RTF2: variants seen among roughly 807,000 people sequenced by gnomAD.
RTF2 encodes the protein replication termination factor 2, also known as UPF0549 protein C20orf43.
RTF2 carries 18 observed loss-of-function variants against 38.0 expected under a neutral mutation model. That is an observed-to-expected ratio of 0.47 (90% confidence interval 0.33 to 0.70). The LOEUF (loss-of-function observed/expected upper bound fraction) is 0.70, where lower values mean the gene tolerates loss of function less well. Ranked by LOEUF, RTF2 falls within the 30% of genes least tolerant of loss-of-function variation. RTF2 has a pLI of 0.02. For missense variants in RTF2, 311 were observed against 379.6 expected, an observed-to-expected ratio of 0.82 and a Z score of 1.50; for synonymous variants, 126 against 137.1, an observed-to-expected ratio of 0.92 and a Z score of 0.57.
intron 5 of RTF2, among the ~76,000 whole-genome samples, chr20:56,493,201 C>T (rs1342084603): frequency 6.6e-6 from 1 of 152,028 alleles, no homozygotes; most frequent in East Asian, 1.9e-4. Context: ...TAAGGAAATA[C>T]TGTTTTTAAA....
In RTF2 at chr20:56,468,642, A is replaced by T; in HGVS notation, c.-56A>T. On this transcript the variant is annotated 5_prime_UTR_variant, in exon 1 of 9. Transcript: ENST00000357348. ...GGAAGTGGCTGCGGATTTCGCCGGA[A>T]ATCCCGGAAGTGACAGCTTTGGGGG... 1 of 1,501,066 alleles carries T rather than the reference A, an allele frequency of 6.7e-7. No homozygotes were observed. Among genetic ancestry groups the T allele is most frequent in the Non-Finnish European group, 9.1e-7 (1 of 1,102,312 alleles). 93.0% of individuals were successfully genotyped at this position (1,501,066 alleles called of 1,614,324 possible). A position where few individuals can be genotyped will look rare whatever the true frequency, so the allele number is the denominator to read the frequency against.
rs1568692421 is a variant in RTF2 at position 56,477,075 on chromosome 20, G to A, written c.349G>A (p.Ala117Thr). The A allele has an allele frequency of 6.2e-7, 1 of 1,614,020 alleles. No homozygotes were observed. Among genetic ancestry groups the A allele is most frequent in the East Asian group, 2.2e-5 (1 of 44,860 alleles). Residue 117 changes from alanine to threonine, a missense_variant, in exon 4 of 9, where the codon GCG becomes ACG. By Grantham distance (58) the Ala-to-Thr change is moderately conservative (BLOSUM62 0). Coordinates refer to ENST00000357348, the MANE Select transcript of RTF2 (RefSeq NM_016407.5). ...TGACAAGCACGATGACCTCCAGCGGGCGCGTTTCATCTGCCCCGTTGTGGG... is the reference window on the plus strand; with the variant it reads ...TGACAAGCACGATGACCTCCAGCGGACGCGTTTCATCTGCCCCGTTGTGGG... Reference protein sequence around the residue: ...KGDKHDDLQRARFICPVVGLE... With the variant: ...KGDKHDDLQRTRFICPVVGLE...
At chr20:56,478,755 G>A (rs1381763621) in intron 4 of RTF2, among the ~76,000 whole-genome samples, 1 of 152,086 alleles carries the variant, frequency 6.6e-6, no homozygotes, top group Non-Finnish European at 1.5e-5. Flanking sequence ...AATAGAATTT[G>A]CTGCATTGAT....
chr20:56,490,552 C>T (rs953622599), intron 5 of RTF2, among the ~76,000 whole-genome samples: 1 of 152,212 alleles, frequency 6.6e-6, no homozygotes, highest in Non-Finnish European at 1.5e-5. Flanking sequence ...CGGTGGCTCA[C>T]GCCTGTGATC....
chr20:56,474,537 G>T (rs1347220148), intron 2 of RTF2, 141 bp from the exon 3 acceptor site: 3 of 537,756 alleles, frequency 5.6e-6, no homozygotes, highest in South Asian at 2.7e-5. Context: ...GTTGAAACAG[G>T]GTTAAATTTA....
At chr20:56,471,592 C>G (rs1981972954) in intron 1 of RTF2, 1 of 151,802 alleles carries the variant, frequency 6.6e-6, no homozygotes, top group Non-Finnish European at 1.5e-5. Context: ...CAAAACAAAA[C>G]CACTTGTACT....
In RTF2 at chr20:56,468,660, T is replaced by G. The variant is rs201055507; in HGVS notation, c.-38T>G. 13 of 1,545,166 alleles carry G rather than the reference T, an allele frequency of 8.4e-6. No homozygotes were observed. In the African/African-American group the frequency reaches 1.8e-4, roughly 21 times the overall value. The stretch of plus-strand genomic sequence containing the variant: ...CGCCGGAAATCCCGGAAGTGACAGC[T>G]TTGGGGGTTTGCTGCTGGCTCTGAC... On this transcript the variant is annotated 5_prime_UTR_variant, in exon 1 of 9. Transcript: ENST00000357348.
intron 6 of RTF2, chr20:56,515,967 A>G (rs1210102244): frequency 6.6e-6 from 1 of 152,220 alleles, no homozygotes; most frequent in Non-Finnish European, 1.5e-5. Context: ...GTGCTTTTCA[A>G]ATAACCTCAG....
At chr20:56,509,428 A>G (rs1292370449) in intron 5 of RTF2, among the ~76,000 whole-genome samples, 1 of 152,076 alleles carries the variant, frequency 6.6e-6, no homozygotes, top group Admixed American at 6.6e-5. Context: ...CCTGGCCAAC[A>G]TGGTTGAAAT....
chr20:56,486,755 G>C (rs546181161), intron 5 of RTF2, among the ~76,000 whole-genome samples: 27 of 152,338 alleles, frequency 1.8e-4, no homozygotes, highest in African/African-American at 6.3e-4. Flanking sequence ...ACAGTTGGCA[G>C]GGGAATGGCT....
chr20:56,473,379 G>C lies in RTF2; in HGVS notation c.148G>C (p.Ala50Pro). The change falls in exon 2 of 9, where the codon GCC becomes CCC. Residue 50 changes from alanine (A) to proline (P), a missense_variant. Coordinates refer to ENST00000357348, the MANE Select transcript of RTF2 (RefSeq NM_016407.5). ...GGAAATATTAAGACGACCAATAGTT[G>C]CCTGTGAACTTGGCAGGTATGGTTT... ...SQEILRRPIV[A>P]CELGRLYNKD... 6.2e-7 allele frequency: 1 copy of C among 1,612,232 alleles called. No homozygotes were observed. Among genetic ancestry groups the C allele is most frequent in the Non-Finnish European group, 8.5e-7 (1 of 1,178,396 alleles).
intron 5 of RTF2, among the ~76,000 whole-genome samples, chr20:56,485,646 T>C (rs1469588853): frequency 2.0e-5 from 3 of 152,188 alleles, no homozygotes; most frequent in Admixed American, 6.5e-5. Flanking sequence ...GAATAAAGCC[T>C]TCATAGAATG....
chr20:56,513,669 C>G (rs1355498219), intron 6 of RTF2: 3 of 405,886 alleles, frequency 7.4e-6, no homozygotes, highest in Non-Finnish European at 1.4e-5. Flanking sequence ...GGGGTAGTGA[C>G]AGCATGCGAG....
chr20:56,499,467 C>A (rs1164997433), intron 5 of RTF2, among the ~76,000 whole-genome samples: 1 of 151,970 alleles, frequency 6.6e-6, no homozygotes, highest in African/African-American at 2.4e-5. Flanking sequence ...AGGCGTGAGC[C>A]ACCACGCCTG....
chr20:56,506,774 C>T (rs1984302522), intron 5 of RTF2, among the ~76,000 whole-genome samples: 1 of 152,048 alleles, frequency 6.6e-6, no homozygotes, highest in African/African-American at 2.4e-5. Context: ...GATCTCGGCT[C>T]ACTGCAAGCT....
At chr20:56,479,289 A>G (rs940670793) in intron 4 of RTF2, among the ~76,000 whole-genome samples, 19 of 152,070 alleles carry the variant, frequency 1.2e-4, no homozygotes, top group Non-Finnish European at 2.1e-4. Context: ...GCAGTGGCAC[A>G]ATCTCGGCTC....
At chr20:56,510,643 A>C (rs1984593519) in intron 5 of RTF2, among the ~76,000 whole-genome samples, 1 of 152,210 alleles carries the variant, frequency 6.6e-6, no homozygotes, top group African/African-American at 2.4e-5. Context: ...AAAATCAATG[A>C]AATCTTTAAA....
rs763348585 is a variant in RTF2, at chr20:56,516,987, A to G, written c.644A>G (p.Glu215Gly). Reference sequence around the variant, plus strand: ...TCTGTTTCAAAACCAGATGTCAGTGAAGGTAAGATCCTTCAAGAGATCCTT... The same window carrying G: ...TCTGTTTCAAAACCAGATGTCAGTGGAGGTAAGATCCTTCAAGAGATCCTT... ...AESVSKPDVS[E>G]EAPGPSKVKT... is the part of the protein sequence containing the mutation. The change falls in exon 7 of 9, where the codon GAA (glutamate) becomes GGA (glycine). Residue 215 changes from glutamate to glycine, a missense_variant and splice_region_variant. Transcript: ENST00000357348. The G allele has an allele frequency of 6.2e-7, 1 of 1,613,898 alleles. No homozygotes were observed. Among genetic ancestry groups the G allele is most frequent in the Non-Finnish European group, 8.5e-7 (1 of 1,179,726 alleles).
At chr20:56,505,487 C>CATAATA (rs60767194) in intron 5 of RTF2, among the ~76,000 whole-genome samples, 8,958 of 139,486 alleles carry the variant, frequency 0.064, 334 homozygotes, top group African/African-American at 0.09. Context: ...GATGCCATCT[C>CATAATA]ATAATAATAA....
Sources: gnomAD v4.1 joint callset for allele counts (sites outside exome capture counted in the v4.1 genomes callset) on GRCh38, gnomAD v4.1.1 for gene constraint, MANE v1.5 for transcripts, NCBI Gene and HGNC (gene_info 2026-07-23, HGNC 2026-07-21) for gene names.